LEPR: variants seen among roughly 807,000 people sequenced by gnomAD.
The protein encoded by LEPR is leptin receptor.
LEPR carries 56 observed loss-of-function variants against 114.7 expected under a neutral mutation model. That is an observed-to-expected ratio of 0.49 (90% CI 0.39 to 0.61). LEPR has a LOEUF of 0.61. LEPR is among the 20% of genes least tolerant of loss of function. The pLI is 0.00. For missense variants in LEPR, 1,202 were observed against 1,352.9 expected, an observed-to-expected ratio of 0.89 and a Z score of 1.75; for synonymous variants, 443 against 461.4, an observed-to-expected ratio of 0.96 and a Z score of 0.51.
intron 2 of LEPR, among the ~76,000 whole-genome samples, chr1:65,437,592 C>A (rs1474817380): frequency 6.6e-6 from 1 of 151,652 alleles, no homozygotes; most frequent in Non-Finnish European, 1.5e-5. Context: ...TTGCAGTGAG[C>A]CGAGATCGCG....
intron 5 of LEPR, chr1:65,576,902 C>A: frequency 5.7e-6 from 2 of 349,558 alleles, no homozygotes; most frequent in South Asian, 3.0e-5. Context: ...TCCAGATATC[C>A]ATGCCAGTAT....
intron 19 of LEPR, among the ~76,000 whole-genome samples, chr1:65,626,683 C>A (rs1658235713): frequency 6.6e-6 from 1 of 152,268 alleles, no homozygotes. Context: ...CGCTCTGTCA[C>A]CCAGGCTGGA....
intron 6 of LEPR, among the ~76,000 whole-genome samples, chr1:65,595,631 A>C (rs1004809550): frequency 3.9e-5 from 6 of 152,092 alleles, no homozygotes; most frequent in African/African-American, 1.4e-4. Flanking sequence ...GAATGTGAAA[A>C]TTATCTTATG....
rs746837693 is a variant in LEPR, at chr1:65,425,292, A to G, written c.-96-11A>G. Reference sequence around the variant, plus strand: ...TGTGGGAACTTTAACTTTTGGCTTTATTTTTCACAGCTCTCGTGGCATTAT... The same window carrying G: ...TGTGGGAACTTTAACTTTTGGCTTTGTTTTTCACAGCTCTCGTGGCATTAT... On this transcript the variant is annotated splice_polypyrimidine_tract_variant and intron_variant, in intron 1 of 19. Coordinates refer to ENST00000349533, the MANE Select transcript of LEPR (RefSeq NM_002303.6). 2 of 1,611,264 alleles carry G rather than the reference A, an allele frequency of 1.2e-6. No individual in the cohort carries two copies. Among genetic ancestry groups the G allele is most frequent in the African/African-American group, 2.7e-5 (2 of 74,654 alleles).
chr1:65,435,259 C>T (rs1489267267), intron 2 of LEPR: 3 of 984,822 alleles, frequency 3.0e-6, no homozygotes, highest in Non-Finnish European at 3.6e-6. Context: ...GAGGTATCTC[C>T]TCAATGAATA....
chr1:65,633,318 G>T lies in LEPR; in HGVS notation c.2674-2873G>T. 7.0e-7 allele frequency: 1 copy of T among 1,438,402 alleles called. No homozygotes were observed. The highest frequency in any genetic ancestry group is 9.1e-7 in the Non-Finnish European group (1 of 1,097,626). 89.1% of individuals were successfully genotyped at this position (1,438,402 alleles called of 1,614,324 possible). A position where few individuals can be genotyped will look rare whatever the true frequency, so the allele number is the denominator to read the frequency against. On this transcript the variant is annotated intron_variant, in intron 19 of 19. Transcript: ENST00000349533. This position sits in a 1 kb window ranked among gnomAD's most constrained non-coding sequence, Gnocchi z 4.1. ...TGAGAGTTAACATATGGTGGATTAT[G>T]TTGATTTAGAACTTAAAATAGATGT...
intron 2 of LEPR, among the ~76,000 whole-genome samples, chr1:65,488,253 TTTC>T (rs1363231250): frequency 4.3e-5 from 6 of 139,508 alleles, no homozygotes; most frequent in African/African-American, 1.7e-4. Context: ...TCTTTCTTTC[TTTC>T]TTTTCTTTCT....
At chr1:65,436,850 A>G (rs1054854016) in intron 2 of LEPR, among the ~76,000 whole-genome samples, 1 of 152,270 alleles carries the variant, frequency 6.6e-6, no homozygotes, top group African/African-American at 2.4e-5. Flanking sequence ...TAAAACCATC[A>G]GTTCAACTTT....
chr1:65,550,724 TC>T (rs1262852629), intron 2 of LEPR, among the ~76,000 whole-genome samples: 17 of 152,302 alleles, frequency 1.1e-4, no homozygotes, highest in African/African-American at 3.8e-4. Flanking sequence ...GTCTGTCACC[TC>T]TTTCCTTGAC....
At chr1:65,585,253 T>C (rs1655238290) in intron 5 of LEPR, among the ~76,000 whole-genome samples, 1 of 152,058 alleles carries the variant, frequency 6.6e-6, no homozygotes, top group Non-Finnish European at 1.5e-5. Flanking sequence ...TAATACTAAA[T>C]TTTCTAATTC....
At chr1:65,478,733 GA>G (rs1647185136) in intron 2 of LEPR, among the ~76,000 whole-genome samples, 1 of 152,204 alleles carries the variant, frequency 6.6e-6, no homozygotes, top group African/African-American at 2.4e-5. Context: ...AAGTAAGCTA[GA>G]AGGTGGGTTT....
At chr1:65,515,419 G>A (rs1570591086) in intron 2 of LEPR, among the ~76,000 whole-genome samples, 1 of 152,268 alleles carries the variant, frequency 6.6e-6, no homozygotes, top group Admixed American at 6.5e-5. Context: ...TAGAAGGAAT[G>A]ACAAAACCAT....
Position 65,476,016 on chromosome 1 carries a change from T to C in LEPR, c.-21+50638T>C, listed in dbSNP as rs558433445. ...TGGGTGACAGAACGAGACCCTGTGT[T>C]AAAACAAACAAAACAAAAAACCCCC... On this transcript the variant is annotated intron_variant, in intron 2 of 19. Transcript: ENST00000349533. Among the ~76,000 whole-genome samples the C allele has an allele frequency of 9.2e-5, 14 of 151,434 alleles. No homozygotes were observed. In the East Asian group the frequency reaches 2.5e-3, roughly 27 times the overall value.
At chr1:65,603,929 T>C (rs1203908222) in intron 10 of LEPR, among the ~76,000 whole-genome samples, 1 of 152,082 alleles carries the variant, frequency 6.6e-6, no homozygotes, top group Non-Finnish European at 1.5e-5. Context: ...ATATCTGAAA[T>C]TGGTATTATA....
intron 2 of LEPR, among the ~76,000 whole-genome samples, chr1:65,431,336 A>G (rs1646481234): frequency 6.6e-6 from 1 of 152,236 alleles, no homozygotes; most frequent in African/African-American, 2.4e-5. Context: ...AAAACCATCT[A>G]CAAACCATCT....
chr1:65,459,712 A>G (rs1646920865), intron 2 of LEPR, among the ~76,000 whole-genome samples: 1 of 152,244 alleles, frequency 6.6e-6, no homozygotes, highest in African/African-American at 2.4e-5. Flanking sequence ...ACTGCCCATT[A>G]CACATAGGAT....
intron 2 of LEPR, among the ~76,000 whole-genome samples, chr1:65,518,162 CTG>C (rs201341394): frequency 0.013 from 1,978 of 152,272 alleles, 17 homozygotes; most frequent in Non-Finnish European, 0.02. Context: ...TGTTTCTTGT[CTG>C]TGGAATTTTG....
rs888155318 is a variant in LEPR at position 65,634,944 on chromosome 1, T to C, written c.2674-1247T>C. On this transcript the variant is annotated intron_variant, in intron 19 of 19. Coordinates refer to ENST00000349533, the MANE Select transcript of LEPR (RefSeq NM_002303.6). ...TTATGATTATGAATAATAGGAAAGT[T>C]GTATTAATTCAGTATTTGTCATTAT... is the stretch of plus-strand genomic sequence containing the variant. 1.1e-5 allele frequency: 9 copies of C among 814,104 alleles called. No individual in the cohort carries two copies. In the African/African-American group the frequency reaches 1.5e-4, roughly 13 times the overall value. The allele number at this position is 814,104 out of a possible 1,614,324, so 50.4% of individuals were successfully genotyped here. A position where few individuals can be genotyped will look rare whatever the true frequency, so the allele number is the denominator to read the frequency against.
At chr1:65,572,759 T>G (rs987798492) in intron 5 of LEPR, among the ~76,000 whole-genome samples, 6 of 152,110 alleles carry the variant, frequency 3.9e-5, no homozygotes, top group Admixed American at 2.0e-4. Flanking sequence ...GAACGAACAC[T>G]CTGGGGGCCT....
Sources: allele counts gnomAD v4.1 joint callset (sites outside exome capture counted in the v4.1 genomes callset), GRCh38; gene constraint gnomAD v4.1.1; non-coding constraint Gnocchi (gnomAD v3.1); transcripts MANE v1.5; gene names NCBI Gene and HGNC (gene_info 2026-07-23, HGNC 2026-07-21).